The following FHIT variants were observed in gnomAD, a reference collection of about 807,000 sequenced individuals.
The protein encoded by FHIT is bis(5'-adenosyl)-triphosphatase.
In FHIT, 19 loss-of-function variants were observed where a neutral mutation model predicts 17.9. That is an observed-to-expected ratio of 1.06 (90% confidence interval 0.74 to 1.56). The LOEUF (loss-of-function observed/expected upper bound fraction) is 1.56, where lower values mean the gene tolerates loss of function less well. FHIT is among the 40% of genes most tolerant of loss of function. The pLI, the probability that FHIT is intolerant of heterozygous loss-of-function variation, is 0.00. For missense variants in FHIT, 248 were observed against 189.2 expected (o/e 1.31, Z -1.82); for synonymous variants, 81 against 69.7 (o/e 1.16, Z -0.81).
At chr3:60,514,881 C>G (rs1355143395) in intron 5 of FHIT, among the ~76,000 whole-genome samples, 3 of 151,702 alleles carry the variant, frequency 2.0e-5, no homozygotes, top group African/African-American at 7.3e-5. Context: ...ACTCTCCCAC[C>G]AACAGCCACA....
intron 5 of FHIT, among the ~76,000 whole-genome samples, chr3:60,181,145 ATTTTTT>A (rs199935934): frequency 2.4e-5 from 3 of 125,584 alleles, no homozygotes; most frequent in East Asian, 2.3e-4. Context: ...AATTTTTTTA[ATTTTTT>A]TTTTTTTTTT....
intron 5 of FHIT, among the ~76,000 whole-genome samples, chr3:60,228,515 A>G (rs755784282): frequency 2.6e-5 from 4 of 152,204 alleles, no homozygotes; most frequent in Non-Finnish European, 5.9e-5. Context: ...TAAAAAAATA[A>G]AACACACATC....
chr3:60,399,384 G>T lies in FHIT; in HGVS notation c.103+137476C>A, dbSNP rs181463342. Among the ~76,000 whole-genome samples, 3 of 152,204 alleles carry T rather than the reference G, an allele frequency of 2.0e-5. No homozygotes were observed. The East Asian group carries it at 5.8e-4, about 29-fold the overall frequency. The stretch of plus-strand genomic sequence containing the variant: ...ATTCTCCCAAAAGATGAGCACAAAG[G>T]AATAGATGCTGAGAATATCAATGCC... On this transcript the variant is annotated intron_variant, in intron 5 of 9. Transcript: ENST00000492590.
intron 3 of FHIT, among the ~76,000 whole-genome samples, chr3:60,977,418 C>G (rs1006528494): frequency 6.6e-6 from 1 of 152,192 alleles, no homozygotes; most frequent in South Asian, 2.1e-4. Context: ...CCTTAAGAAA[C>G]TTGAGTGTAT....
At chr3:60,429,831 A>C (rs184933677) in intron 5 of FHIT, among the ~76,000 whole-genome samples, 99 of 152,220 alleles carry the variant, frequency 6.5e-4, no homozygotes, top group African/African-American at 2.3e-3. Flanking sequence ...AAGCATAGGT[A>C]CTAAGAGGCT....
intron 5 of FHIT, among the ~76,000 whole-genome samples, chr3:60,120,513 C>T (rs1705198811): frequency 6.6e-6 from 1 of 152,166 alleles, no homozygotes; most frequent in Admixed American, 6.5e-5. Flanking sequence ...CTTGGCCAAA[C>T]CCAGGGAAGC....
chr3:60,409,784 A>G (rs577859509), intron 5 of FHIT, among the ~76,000 whole-genome samples: 4 of 152,300 alleles, frequency 2.6e-5, no homozygotes, highest in Admixed American at 6.5e-5. Flanking sequence ...TTTCACAACA[A>G]TGCAATTCAT....
rs558412350 is a variant in FHIT at position 60,172,160 on chromosome 3, G to A, written c.104-158008C>T. 1.0e-3 allele frequency among the ~76,000 whole-genome samples: 153 copies of A among 152,308 alleles called. 1 individual carries two copies. Among genetic ancestry groups the A allele is most frequent in the African/African-American group, 3.6e-3 (148 of 41,576 alleles). On this transcript the variant is annotated intron_variant, in intron 5 of 9. Transcript: ENST00000492590. Reference sequence around the variant, plus strand: ...CTTCAAATACAAGTAACAGAGGAATGAAACTGAGCTCAGGAAGTCAGGAGA... The same window carrying A: ...CTTCAAATACAAGTAACAGAGGAATAAAACTGAGCTCAGGAAGTCAGGAGA...
intron 5 of FHIT, among the ~76,000 whole-genome samples, chr3:60,468,315 G>C (rs2032907946): frequency 6.6e-6 from 1 of 152,018 alleles, no homozygotes; most frequent in Admixed American, 6.6e-5. Flanking sequence ...TGATGAATAG[G>C]ATTTACTCCT....
intron 5 of FHIT, among the ~76,000 whole-genome samples, chr3:60,479,518 A>T (rs753959623): frequency 6.6e-6 from 1 of 152,188 alleles, no homozygotes; most frequent in Non-Finnish European, 1.5e-5. Flanking sequence ...GACATTACTT[A>T]TGTGTTTGCA....
chr3:59,916,773 A>G (rs1408479299), intron 8 of FHIT, among the ~76,000 whole-genome samples: 1 of 152,196 alleles, frequency 6.6e-6, no homozygotes, highest in African/African-American at 2.4e-5. Context: ...AATTAGCATT[A>G]CTATATGCTT....
chr3:60,059,620 G>A (rs1368092795), intron 5 of FHIT, among the ~76,000 whole-genome samples: 1 of 151,974 alleles, frequency 6.6e-6, no homozygotes, highest in African/African-American at 2.4e-5. Flanking sequence ...CCTGCCTTAT[G>A]CCCCTCAGCT....
intron 4 of FHIT, among the ~76,000 whole-genome samples, chr3:60,721,796 TA>T (rs1213459230): frequency 3.9e-5 from 6 of 152,078 alleles, no homozygotes; most frequent in Non-Finnish European, 8.8e-5. Flanking sequence ...AAAGGCACTA[TA>T]AAAAAGAGTA....
At chr3:59,818,561 T>C (rs1257505135) in intron 8 of FHIT, among the ~76,000 whole-genome samples, 1 of 152,128 alleles carries the variant, frequency 6.6e-6, no homozygotes, top group Non-Finnish European at 1.5e-5. Flanking sequence ...CAAAAATAAG[T>C]TTTTTGGGGG....
intron 5 of FHIT, among the ~76,000 whole-genome samples, chr3:60,251,634 TTGTG>T (rs752776566): frequency 6.6e-5 from 10 of 152,100 alleles, no homozygotes; most frequent in Non-Finnish European, 1.2e-4. Context: ...TCCATGCATG[TTGTG>T]TGTGTGTATC....
At chr3:60,877,907 G>A (rs540326531) in intron 3 of FHIT, among the ~76,000 whole-genome samples, 1 of 152,068 alleles carries the variant, frequency 6.6e-6, no homozygotes, top group African/African-American at 2.4e-5. Context: ...TAGGGTACTT[G>A]CTGCCACTGC....
chr3:60,965,574 C>G (rs1453982537), intron 3 of FHIT, among the ~76,000 whole-genome samples: 1 of 152,162 alleles, frequency 6.6e-6, no homozygotes, highest in African/African-American at 2.4e-5. Context: ...GTGGTTTTAT[C>G]TATCTTTGGT....
At chr3:59,780,677 G>A (rs1044949999) in intron 8 of FHIT, among the ~76,000 whole-genome samples, 3 of 152,216 alleles carry the variant, frequency 2.0e-5, no homozygotes, top group Non-Finnish European at 4.4e-5. Context: ...ATAAGGACAT[G>A]AAGGACCAGA....
chr3:61,086,126 C>T (rs1281430346), intron 2 of FHIT, among the ~76,000 whole-genome samples: 2 of 152,052 alleles, frequency 1.3e-5, no homozygotes, highest in Non-Finnish European at 2.9e-5. Context: ...CCAGGACTTC[C>T]AGTACAATGC....
Sources: allele counts gnomAD v4.1 joint callset (sites outside exome capture counted in the v4.1 genomes callset), GRCh38; gene constraint gnomAD v4.1.1; transcripts MANE v1.5; gene names NCBI Gene and HGNC (gene_info 2026-07-23, HGNC 2026-07-21).